Variants in LRMDA observed in about 807,000 individuals in gnomAD.
LRMDA encodes the protein leucine rich melanocyte differentiation associated.
LRMDA carries 18 observed loss-of-function variants against 29.8 expected under a neutral mutation model. The ratio of observed to expected loss-of-function variants is 0.60; its 90% CI spans 0.42 to 0.90. The LOEUF is 0.90. Ranked by LOEUF, LRMDA falls within the 40% of genes least tolerant of loss-of-function variation. LRMDA has a pLI of 0.00. For missense variants in LRMDA, 273 were observed against 273.9 expected, an observed-to-expected ratio of 1.00 and a Z score of 0.02; for synonymous variants, 125 against 109.4, an observed-to-expected ratio of 1.14 and a Z score of -0.89.
At chr10:76,423,770 T>A (rs1438211996) in intron 6 of LRMDA, among the ~76,000 whole-genome samples, 1 of 152,218 alleles carries the variant, frequency 6.6e-6, no homozygotes, top group East Asian at 1.9e-4. Flanking sequence ...CCATTGCCCA[T>A]GTGTCTATTT....
intron 6 of LRMDA, among the ~76,000 whole-genome samples, chr10:76,453,779 G>A (rs1382515915): frequency 1.3e-5 from 2 of 152,154 alleles, no homozygotes; most frequent in African/African-American, 4.8e-5. Context: ...TTAAATTAGA[G>A]CCCAGTTGGC....
intron 2 of LRMDA, among the ~76,000 whole-genome samples, chr10:75,780,637 C>T (rs1250931380): frequency 6.6e-6 from 1 of 152,184 alleles, no homozygotes; most frequent in Non-Finnish European, 1.5e-5. Context: ...CCCACCCCAA[C>T]AGACTGGGGA....
intron 5 of LRMDA, among the ~76,000 whole-genome samples, chr10:76,254,002 A>C (rs900501380): frequency 6.6e-6 from 1 of 152,098 alleles, no homozygotes; most frequent in African/African-American, 2.4e-5. Context: ...TTCCTCTGTC[A>C]TTTGGGATTT....
intron 2 of LRMDA, among the ~76,000 whole-genome samples, chr10:75,680,182 C>T (rs1394475182): frequency 1.3e-5 from 2 of 152,166 alleles, no homozygotes; most frequent in Non-Finnish European, 2.9e-5. Context: ...ACAAGATCCC[C>T]CAAATTTGAA....
chr10:76,395,975 C>G (rs1841778873), intron 6 of LRMDA, among the ~76,000 whole-genome samples: 1 of 152,250 alleles, frequency 6.6e-6, no homozygotes, highest in Admixed American at 6.5e-5. Context: ...CTGGGGCTGC[C>G]TGATACAAAA....
intron 5 of LRMDA, among the ~76,000 whole-genome samples, chr10:76,220,764 C>G (rs998803356): frequency 2.6e-5 from 4 of 152,128 alleles, no homozygotes; most frequent in African/African-American, 4.8e-5. Context: ...CTCCCTAACT[C>G]ATTTTATGAG....
intron 2 of LRMDA, among the ~76,000 whole-genome samples, chr10:75,842,772 A>G (rs1453156462): frequency 6.6e-6 from 1 of 152,008 alleles, no homozygotes; most frequent in African/African-American, 2.4e-5. Flanking sequence ...TGACACCTAT[A>G]ATGCCAGCAC....
intron 2 of LRMDA, among the ~76,000 whole-genome samples, chr10:75,770,437 C>T (rs1317904514): frequency 1.3e-5 from 2 of 152,118 alleles, no homozygotes; most frequent in Non-Finnish European, 2.9e-5. Context: ...ATATGTATTT[C>T]ACCATAATTT....
intron 6 of LRMDA, among the ~76,000 whole-genome samples, chr10:76,347,159 G>A (rs1841118734): frequency 6.6e-6 from 1 of 152,120 alleles, no homozygotes; most frequent in Non-Finnish European, 1.5e-5. Flanking sequence ...TTTATTAATT[G>A]ATCTGCATGT....
chr10:76,495,014 G>A (rs1043996659), intron 6 of LRMDA, among the ~76,000 whole-genome samples: 1 of 151,852 alleles, frequency 6.6e-6, no homozygotes, highest in Admixed American at 6.6e-5. Flanking sequence ...ATTTTCCTGA[G>A]CTCTAGTATG....
rs1239978463 is a variant in LRMDA at position 75,740,321 on chromosome 10, G to C, written c.132-295687G>C. On this transcript the variant is annotated intron_variant, in intron 2 of 6. Transcript: ENST00000611255. ...GCAGGTGATGTCTCTCCAGTCTTGG[G>C]GAATGGCTCCTGGGAACACGGGTGT... Among the ~76,000 whole-genome samples, 4 of 152,246 alleles carry C rather than the reference G, an allele frequency of 2.6e-5. No homozygotes were observed. In the South Asian group the frequency reaches 8.3e-4, roughly 32 times the overall value.
At chr10:76,146,142 TG>T (rs1850313887) in intron 5 of LRMDA, among the ~76,000 whole-genome samples, 1 of 152,202 alleles carries the variant, frequency 6.6e-6, no homozygotes, top group South Asian at 2.1e-4. Flanking sequence ...AGGTGTGGTG[TG>T]GTGCTGAAAA....
chr10:76,358,215 TC>T (rs1841266481), intron 6 of LRMDA, among the ~76,000 whole-genome samples: 1 of 152,210 alleles, frequency 6.6e-6, no homozygotes, highest in South Asian at 2.1e-4. Context: ...CTGGCAGTCC[TC>T]GTAGGAGAAA....
chr10:76,168,784 T>C (rs1416999497), intron 5 of LRMDA, among the ~76,000 whole-genome samples: 2 of 152,252 alleles, frequency 1.3e-5, no homozygotes, highest in Non-Finnish European at 2.9e-5. Context: ...TATTTCCATA[T>C]ATCTCTTCCA....
intron 6 of LRMDA, among the ~76,000 whole-genome samples, chr10:76,526,977 AAAAT>A (rs199776614): frequency 0.44 from 52,750 of 121,024 alleles, 12,030 homozygotes; most frequent in Middle Eastern, 0.5. Flanking sequence ...AAAGTATAAT[AAAAT>A]AAATAAATAA....
At chr10:75,575,802 A>G (rs1840497193) in intron 2 of LRMDA, among the ~76,000 whole-genome samples, 1 of 152,160 alleles carries the variant, frequency 6.6e-6, no homozygotes, top group Non-Finnish European at 1.5e-5. Context: ...AAAGGAAGGC[A>G]TTAGGGACTG....
chr10:75,741,649 A>G (rs1024902698), intron 2 of LRMDA, among the ~76,000 whole-genome samples: 8 of 151,978 alleles, frequency 5.3e-5, no homozygotes, highest in Non-Finnish European at 1.2e-4. Flanking sequence ...TATGCTGTGG[A>G]TTTTTCAGAG....
At chr10:76,048,876 C>A (rs1328701010) in intron 4 of LRMDA, among the ~76,000 whole-genome samples, 1 of 152,114 alleles carries the variant, frequency 6.6e-6, no homozygotes, top group African/African-American at 2.4e-5. Flanking sequence ...CTCTTGAAGC[C>A]TCATCAATGC....
rs151283935 is a variant in LRMDA at position 76,528,084 on chromosome 10, G to A, written c.602-29125G>A. On this transcript the variant is annotated intron_variant, in intron 6 of 6. Transcript: ENST00000611255. ...ATAGGCATGCCTGGTGCTATGGAGT[G>A]GATTGGGTGCATATTAATATGTTTT... 3.6e-3 allele frequency among the ~76,000 whole-genome samples: 543 copies of A among 152,224 alleles called. 2 individuals are homozygous for A. The highest frequency in any genetic ancestry group is 6.8e-3 in the Middle Eastern group (2 of 294).
Sources: gnomAD v4.1 joint callset for allele counts (sites outside exome capture counted in the v4.1 genomes callset) on GRCh38, gnomAD v4.1.1 for gene constraint, MANE v1.5 for transcripts, NCBI Gene and HGNC (gene_info 2026-07-23, HGNC 2026-07-21) for gene names.